Variants in PRLR observed in about 807,000 individuals in gnomAD.
PRLR encodes the protein hPRL receptor.
In PRLR, 13 loss-of-function variants were observed where a neutral mutation model predicts 40.2. The ratio of observed to expected loss-of-function variants is 0.32; its 90% CI spans 0.21 to 0.51. PRLR has a LOEUF of 0.51. Among genes scored for constraint, PRLR ranks in the 20% least tolerant of loss-of-function variants. The pLI is 0.97. For synonymous variants in PRLR, 269 were observed against 278.7 expected, an observed-to-expected ratio of 0.97 and a Z score of 0.35; for missense variants, 656 against 747.3, an observed-to-expected ratio of 0.88 and a Z score of 1.42.
chr5:35,201,091 A>G (rs1775871894), intron 1 of PRLR, among the ~76,000 whole-genome samples: 1 of 152,240 alleles, frequency 6.6e-6, no homozygotes, highest in Admixed American at 6.5e-5. Flanking sequence ...TTAAGCCCCC[A>G]GAACCTTAAC....
intron 2 of PRLR, among the ~76,000 whole-genome samples, chr5:35,102,553 T>A (rs1002226630): frequency 1.7e-5 from 2 of 119,640 alleles, no homozygotes; most frequent in African/African-American, 3.0e-5. Flanking sequence ...CTCTTTTCTT[T>A]TCTTTCTTTG....
chr5:35,215,047 A>G (rs1776253037), intron 1 of PRLR, among the ~76,000 whole-genome samples: 1 of 152,102 alleles, frequency 6.6e-6, no homozygotes, highest in Non-Finnish European at 1.5e-5. Flanking sequence ...ACATAAAAGG[A>G]GCCTAACAAT....
At chr5:35,199,346 T>C (rs1775817575) in intron 1 of PRLR, among the ~76,000 whole-genome samples, 1 of 152,182 alleles carries the variant, frequency 6.6e-6, no homozygotes, top group Admixed American at 6.5e-5. Context: ...GATTGTGAGA[T>C]GGACCATACA....
At chr5:35,106,190 AC>A (rs1772236209) in intron 2 of PRLR, among the ~76,000 whole-genome samples, 1 of 152,214 alleles carries the variant, frequency 6.6e-6, no homozygotes, top group African/African-American at 2.4e-5. Context: ...AGATTTTGTC[AC>A]CACCAGGCCT....
intron 1 of PRLR, among the ~76,000 whole-genome samples, chr5:35,125,646 G>T (rs73075091): frequency 5.9e-5 from 9 of 152,242 alleles, no homozygotes; most frequent in African/African-American, 2.2e-4. Context: ...AGTGGAAAAA[G>T]AACACACTCT....
At chr5:35,097,096 A>G (rs1342832261) in intron 2 of PRLR, among the ~76,000 whole-genome samples, 1 of 152,202 alleles carries the variant, frequency 6.6e-6, no homozygotes, top group African/African-American at 2.4e-5. Flanking sequence ...AAATTCTCTG[A>G]GTCCTCTAAG....
chr5:35,167,799 A>G (rs560788186), intron 1 of PRLR, among the ~76,000 whole-genome samples: 2 of 152,204 alleles, frequency 1.3e-5, no homozygotes, highest in African/African-American at 4.8e-5. Flanking sequence ...GGCCTAATTA[A>G]TAAGGTAACA....
chr5:35,101,086 C>T (rs1771848558), intron 2 of PRLR, among the ~76,000 whole-genome samples: 1 of 152,168 alleles, frequency 6.6e-6, no homozygotes, highest in Non-Finnish European at 1.5e-5. Context: ...CGGAAGCCTC[C>T]AACGCCTGAC....
intron 1 of PRLR, among the ~76,000 whole-genome samples, chr5:35,220,893 T>C (rs966514308): frequency 5.3e-5 from 8 of 152,242 alleles, no homozygotes; most frequent in African/African-American, 1.7e-4. Context: ...TTGTTATTAA[T>C]ACAACCTTCT....
chr5:35,143,557 T>G (rs1249487745), intron 1 of PRLR, among the ~76,000 whole-genome samples: 1 of 152,224 alleles, frequency 6.6e-6, no homozygotes, highest in Non-Finnish European at 1.5e-5. Flanking sequence ...TTTCTAGTTA[T>G]CTGGTATATT....
In PRLR at chr5:35,064,190, A is replaced by G. The variant is rs1466071097; in HGVS notation, c.*899T>C. ...ATAGAAAAATAGTCTTCAAAAATAC[A>G]GTTAAACTTATGGGTTTATATTAAA... is the stretch of plus-strand genomic sequence containing the variant. On this transcript the variant is annotated 3_prime_UTR_variant, in exon 10 of 10. Coordinates refer to ENST00000618457, the MANE Select transcript of PRLR (RefSeq NM_000949.7). 1 of 152,244 alleles carries G rather than the reference A, an allele frequency of 6.6e-6. No individual in the cohort carries two copies. The highest frequency in any genetic ancestry group is 1.5e-5 in the Non-Finnish European group (1 of 68,040). 9.4% of individuals were successfully genotyped at this position (152,244 alleles called of 1,614,324 possible). A position where few individuals can be genotyped will look rare whatever the true frequency, so the allele number is the denominator to read the frequency against.
chr5:35,109,074 C>A (rs1426530937), intron 2 of PRLR, among the ~76,000 whole-genome samples: 2 of 152,158 alleles, frequency 1.3e-5, no homozygotes, highest in Non-Finnish European at 2.9e-5. Flanking sequence ...GCATCTATAA[C>A]CATCTGATCT....
chr5:35,200,568 A>G (rs1344233670), intron 1 of PRLR, among the ~76,000 whole-genome samples: 1 of 152,208 alleles, frequency 6.6e-6, no homozygotes, highest in Non-Finnish European at 1.5e-5. Context: ...CCCAAGAACA[A>G]GGCTTTTCTT....
At chr5:35,095,801 C>T (rs2112493870) in intron 2 of PRLR, among the ~76,000 whole-genome samples, 1 of 152,298 alleles carries the variant, frequency 6.6e-6, no homozygotes, top group South Asian at 2.1e-4. Context: ...GGAAAACATC[C>T]AGAACTTTCC....
intron 1 of PRLR, among the ~76,000 whole-genome samples, chr5:35,224,923 A>AAAGG (rs1554057389): frequency 6.6e-6 from 1 of 151,736 alleles, no homozygotes; most frequent in Non-Finnish European, 1.5e-5. Flanking sequence ...GCTAGTGGAC[A>AAAGG]AAAGAAACCA....
intron 1 of PRLR, among the ~76,000 whole-genome samples, chr5:35,227,926 G>A (rs1776591351): frequency 6.6e-6 from 1 of 152,136 alleles, no homozygotes; most frequent in Non-Finnish European, 1.5e-5. Flanking sequence ...AAGTATCCAC[G>A]CCGGTCTGGA....
intron 1 of PRLR, among the ~76,000 whole-genome samples, chr5:35,225,391 T>C (rs1273337256): frequency 6.6e-6 from 1 of 152,028 alleles, no homozygotes; most frequent in Non-Finnish European, 1.5e-5. Flanking sequence ...CTTCACCAAA[T>C]AACTGAATAT....
rs756491940 is a variant in PRLR at position 35,068,216 on chromosome 5, C to T, written c.855G>A (p.Glu285=). 1.6e-5 allele frequency: 25 copies of T among 1,610,410 alleles called. No homozygotes were observed. Among genetic ancestry groups the T allele is most frequent in the Non-Finnish European group, 1.9e-5 (22 of 1,176,646 alleles). ...KIKGFDAHLL[E]KGKSEELLSA... Reference sequence around the variant, plus strand: ...CCATTTTTTTGCCTCCTGTACTTACCTCCAACAGATGAGCATCAAATCCTT... The same window carrying T: ...CCATTTTTTTGCCTCCTGTACTTACTTCCAACAGATGAGCATCAAATCCTT... Residue 285 remains glutamate (E), a splice_region_variant and synonymous_variant, in exon 9 of 10, where the codon GAG becomes GAA. Coordinates refer to ENST00000618457, the MANE Select transcript of PRLR (RefSeq NM_000949.7).
chr5:35,225,515 A>G (rs10036454), intron 1 of PRLR, among the ~76,000 whole-genome samples: 89,221 of 152,152 alleles, frequency 0.59, 27,569 homozygotes, highest in Non-Finnish European at 0.7. Flanking sequence ...GATCAGTGCT[A>G]TTCAACGGAA....
Sources: gnomAD v4.1 joint callset for allele counts (sites outside exome capture counted in the v4.1 genomes callset) on GRCh38, gnomAD v4.1.1 for gene constraint, MANE v1.5 for transcripts, NCBI Gene and HGNC (gene_info 2026-07-23, HGNC 2026-07-21) for gene names.